The following MGAT4C variants were observed in gnomAD, a reference collection of about 807,000 sequenced individuals.
The protein encoded by MGAT4C is alpha-1,3-mannosyl-glycoprotein 4-beta-N-acetylglucosaminyltransferase C.
Under a neutral mutation model 40.1 loss-of-function variants are expected in MGAT4C, and 19 were observed. The observed-to-expected ratio is 0.47, with a 90% CI of 0.33 to 0.70. The LOEUF (loss-of-function observed/expected upper bound fraction) is 0.70. MGAT4C is among the 30% of genes least tolerant of loss of function. MGAT4C has a pLI of 0.02. For missense variants in MGAT4C, 491 were observed against 563.2 expected (o/e 0.87, Z 1.30); for synonymous variants, 181 against 187.1 (o/e 0.97, Z 0.27).
chr12:86,784,821 G>A (rs113007752), intron 1 of MGAT4C, among the ~76,000 whole-genome samples: 1 of 151,900 alleles, frequency 6.6e-6, no homozygotes. Context: ...GTTACTTAAA[G>A]GGTAAGGATT....
intron 2 of MGAT4C, among the ~76,000 whole-genome samples, chr12:86,043,262 C>A (rs1000580773): frequency 1.3e-5 from 2 of 152,032 alleles, no homozygotes; most frequent in African/African-American, 4.8e-5. Context: ...AAGGTGAAGT[C>A]CCACAATAGG....
chr12:86,197,349 A>C (rs1949855102), intron 1 of MGAT4C, among the ~76,000 whole-genome samples: 1 of 152,336 alleles, frequency 6.6e-6, no homozygotes, highest in African/African-American at 2.4e-5. Context: ...ACATATACAC[A>C]TATACATATA....
chr12:86,507,508 G>GT (rs970394720), intron 2 of MGAT4C, among the ~76,000 whole-genome samples: 29 of 152,226 alleles, frequency 1.9e-4, no homozygotes, highest in Admixed American at 1.8e-3. Flanking sequence ...TTGTTCTCTA[G>GT]TTTTTTGTCA....
At chr12:86,080,830 A>G (rs1202435320) in intron 1 of MGAT4C, among the ~76,000 whole-genome samples, 1 of 152,198 alleles carries the variant, frequency 6.6e-6, no homozygotes, top group East Asian at 1.9e-4. Context: ...GCATAATTAA[A>G]AACACAATTA....
chr12:86,191,128 CA>C lies in MGAT4C; in HGVS notation c.-57+65110del, dbSNP rs1566118013. ...ACACACACACACACACACACACACACACACACCCCTATAGGGTCTGTTTCTC... is the reference window on the plus strand; with the variant it reads ...ACACACACACACACACACACACACACCACACCCCTATAGGGTCTGTTTCTC... On this transcript the variant is annotated intron_variant, in intron 1 of 4. Coordinates refer to ENST00000611864, the MANE Select transcript of MGAT4C (RefSeq NM_001351288.2). 4.8e-3 allele frequency among the ~76,000 whole-genome samples: 656 copies of C among 137,482 alleles called. 6 individuals are homozygous for C. Among genetic ancestry groups the C allele is most frequent in the African/African-American group, 0.013 (430 of 34,080 alleles). The allele number at this position is 137,482 out of a possible 152,430, so 90.2% of individuals were successfully genotyped here. A position where few individuals can be genotyped will look rare whatever the true frequency, so the allele number is the denominator to read the frequency against.
intron 2 of MGAT4C, among the ~76,000 whole-genome samples, chr12:86,703,223 T>C (rs2136618359): frequency 1.3e-5 from 2 of 152,320 alleles, no homozygotes; most frequent in East Asian, 1.9e-4. Flanking sequence ...AAAGATGCTA[T>C]GAACAGTTTC....
chr12:86,167,756 G>T (rs901887961), intron 1 of MGAT4C, among the ~76,000 whole-genome samples: 8 of 152,238 alleles, frequency 5.3e-5, no homozygotes, highest in African/African-American at 1.7e-4. Context: ...ACCTCTTAAA[G>T]GTCCCTCCTA....
chr12:85,980,052 T>C lies in MGAT4C; in HGVS notation c.674A>G (p.Asp225Gly). The change falls in exon 5 of 5, where the codon GAT (aspartate) becomes GGT (glycine). Residue 225 changes from aspartate (D) to glycine (G), a missense_variant. Physicochemically the swap from Asp to Gly is moderately conservative, Grantham distance 94. Coordinates refer to ENST00000611864, the MANE Select transcript of MGAT4C (RefSeq NM_001351288.2). ...NTSDYYVMLEDDVRCSKNFLT... is the reference protein window; with the variant it reads ...NTSDYYVMLEGDVRCSKNFLT... Reference sequence around the variant, plus strand: ...GAAATTTTTTGAACATCGAACATCATCTTCAAGCATTACATAATAGTCTGA... The same window carrying C: ...GAAATTTTTTGAACATCGAACATCACCTTCAAGCATTACATAATAGTCTGA... The C allele has an allele frequency of 6.2e-7, 1 of 1,613,718 alleles. No individual in the cohort carries two copies. The highest frequency in any genetic ancestry group is 8.5e-7 in the Non-Finnish European group (1 of 1,179,836).
chr12:86,516,693 A>G (rs1958694659), intron 2 of MGAT4C, among the ~76,000 whole-genome samples: 1 of 152,194 alleles, frequency 6.6e-6, no homozygotes, highest in Non-Finnish European at 1.5e-5. Flanking sequence ...GCCACAAAAT[A>G]GGAGAAAATG....
At chr12:86,128,190 T>C (rs576745410) in intron 1 of MGAT4C, among the ~76,000 whole-genome samples, 2 of 152,320 alleles carry the variant, frequency 1.3e-5, no homozygotes, top group South Asian at 4.1e-4. Flanking sequence ...TATAATCTTA[T>C]GGGATCACTT....
At chr12:86,364,816 G>T (rs1955557704) in intron 3 of MGAT4C, among the ~76,000 whole-genome samples, 1 of 152,048 alleles carries the variant, frequency 6.6e-6, no homozygotes, top group Non-Finnish European at 1.5e-5. Context: ...ATAGGGTGTG[G>T]GTCACAGAGA....
chr12:86,408,402 TTTC>T (rs1434965031), intron 3 of MGAT4C, among the ~76,000 whole-genome samples: 1 of 148,216 alleles, frequency 6.7e-6, no homozygotes, highest in Non-Finnish European at 1.5e-5. Context: ...GTAAAATAAA[TTTC>T]TTATCATTTA....
intron 2 of MGAT4C, among the ~76,000 whole-genome samples, chr12:86,026,975 C>G (rs1228470342): frequency 1.3e-5 from 2 of 151,940 alleles, no homozygotes; most frequent in African/African-American, 4.8e-5. Context: ...ATGTTGCAAT[C>G]TATTTGGATT....
At chr12:86,385,556 T>C (rs1446101924) in intron 3 of MGAT4C, among the ~76,000 whole-genome samples, 1 of 152,236 alleles carries the variant, frequency 6.6e-6, no homozygotes, top group African/African-American at 2.4e-5. Flanking sequence ...TCGAATGGCC[T>C]ATGCATAGCA....
chr12:86,394,491 TTATA>T (rs202171752), intron 3 of MGAT4C, among the ~76,000 whole-genome samples: 1 of 134,646 alleles, frequency 7.4e-6, no homozygotes, highest in African/African-American at 3.0e-5. Flanking sequence ...TATATATACT[TTATA>T]TATATATTTT....
intron 1 of MGAT4C, among the ~76,000 whole-genome samples, chr12:86,193,538 T>A (rs1889754197): frequency 6.6e-6 from 1 of 152,118 alleles, no homozygotes; most frequent in Non-Finnish European, 1.5e-5. Context: ...GGAAAAAAAC[T>A]CACTTTACTT....
chr12:86,312,873 C>G (rs1345962499), intron 4 of MGAT4C, among the ~76,000 whole-genome samples: 1 of 152,056 alleles, frequency 6.6e-6, no homozygotes, highest in Non-Finnish European at 1.5e-5. Flanking sequence ...GAGTGCCCTG[C>G]AGTAGCAAGC....
At chr12:86,146,191 C>T (rs1251876366) in intron 1 of MGAT4C, among the ~76,000 whole-genome samples, 1 of 152,084 alleles carries the variant, frequency 6.6e-6, no homozygotes, top group African/African-American at 2.4e-5. Flanking sequence ...AAGAGTTATC[C>T]TACCAGGGAG....
Position 86,714,818 on chromosome 12 carries a change from GAATT to G in MGAT4C, c.-229+12387_-229+12390del, listed in dbSNP as rs940500727. ...GGAAGGAAGGAAGGAAGGAAGGAAA[GAATT>G]AAAGTAGGAAGGAAGAAAGGGTAGA... On this transcript the variant is annotated intron_variant, in intron 2 of 7. Coordinates refer to the MGAT4C transcript ENST00000548651. Among the ~76,000 whole-genome samples, 38 of 151,924 alleles carry G rather than the reference GAATT, an allele frequency of 2.5e-4. No individual in the cohort carries two copies. In the East Asian group the frequency reaches 6.2e-3, roughly 25 times the overall value.
Sources: allele counts gnomAD v4.1 joint callset (sites outside exome capture counted in the v4.1 genomes callset), GRCh38; gene constraint gnomAD v4.1.1; transcripts MANE v1.5; gene names NCBI Gene and HGNC (gene_info 2026-07-23, HGNC 2026-07-21).